KIAA1958: variants seen among roughly 807,000 people sequenced by gnomAD.
KIAA1958 encodes uncharacterized protein KIAA1958.
KIAA1958 carries 14 observed loss-of-function variants against 47.2 expected under a neutral mutation model. The ratio of observed to expected loss-of-function variants is 0.30; its 90% CI spans 0.20 to 0.46. The LOEUF (loss-of-function observed/expected upper bound fraction) is 0.46, where lower values mean the gene tolerates loss of function less well. KIAA1958 is among the 20% of genes least tolerant of loss of function. The pLI, the probability that KIAA1958 is intolerant of heterozygous loss-of-function variation, is 1.00. For synonymous variants in KIAA1958, 354 were observed against 353.3 expected (o/e 1.00, Z -0.02); for missense variants, 803 against 909.2 (o/e 0.88, Z 1.50).
chr9:112,618,760 T>C lies in KIAA1958; in HGVS notation c.1172-26890T>C, dbSNP rs1836448060. ...GCAGGAAAACCAACTTCAGTGTGTATCAGAGCTGCAGCACCTTGTCTGAGG... is the reference window on the plus strand; with the variant it reads ...GCAGGAAAACCAACTTCAGTGTGTACCAGAGCTGCAGCACCTTGTCTGAGG... On this transcript the variant is annotated intron_variant, in intron 2 of 3. Transcript: ENST00000337530. The surrounding 1 kb of genome is among the most constrained non-coding windows in gnomAD (Gnocchi z 7.1). 4 of 1,550,550 alleles carry C rather than the reference T, an allele frequency of 2.6e-6. No homozygotes were observed. Among genetic ancestry groups the C allele is most frequent in the Non-Finnish European group, 3.5e-6 (4 of 1,147,022 alleles).
intron 1 of KIAA1958, among the ~76,000 whole-genome samples, chr9:112,527,341 A>G (rs1834675751): frequency 6.6e-6 from 1 of 152,190 alleles, no homozygotes; most frequent in Non-Finnish European, 1.5e-5. Context: ...AAACAGGAGA[A>G]AGAGCATTTT....
intron 1 of KIAA1958, among the ~76,000 whole-genome samples, chr9:112,559,126 C>T (rs570574371): frequency 6.6e-6 from 1 of 152,286 alleles, no homozygotes; most frequent in Admixed American, 6.5e-5. Context: ...TGAACCAGCC[C>T]TGCAGGTTCT....
Position 112,586,130 on chromosome 9 carries a change from G to T in KIAA1958, c.1171+10879G>T, listed in dbSNP as rs373181214. The stretch of plus-strand genomic sequence containing the variant: ...AGATGCTGTTAATCAAATTGTGAAT[G>T]ATTTTGTAAGAATAAATTGGTTGCC... On this transcript the variant is annotated intron_variant, in intron 2 of 3. Coordinates refer to ENST00000337530, the MANE Select transcript of KIAA1958 (RefSeq NM_133465.4). Among the ~76,000 whole-genome samples, 15 of 152,298 alleles carry T rather than the reference G, an allele frequency of 9.8e-5. No homozygotes were observed. In the South Asian group the frequency reaches 3.1e-3, roughly 32 times the overall value.
At chr9:112,600,782 G>T (rs183571536) in intron 2 of KIAA1958, among the ~76,000 whole-genome samples, 1 of 152,322 alleles carries the variant, frequency 6.6e-6, no homozygotes, top group Non-Finnish European at 1.5e-5. Context: ...TAGGTAGGAA[G>T]ACTTTGATTT....
At chr9:112,502,551 C>T (rs969164122) in intron 1 of KIAA1958, among the ~76,000 whole-genome samples, 2 of 152,136 alleles carry the variant, frequency 1.3e-5, no homozygotes, top group African/African-American at 2.4e-5. Flanking sequence ...CCCTGCTTTC[C>T]ATGATTATCA....
chr9:112,660,289 C>T lies in KIAA1958; in HGVS notation c.*220C>T. 1 of 567,758 alleles carries T rather than the reference C, an allele frequency of 1.8e-6. No homozygotes were observed. Among genetic ancestry groups the T allele is most frequent in the South Asian group, 2.3e-5 (1 of 42,618 alleles). The allele number at this position is 567,758 out of a possible 1,614,324, so 35.2% of individuals were successfully genotyped here. ...GATGGTTTATCCAAATGTGCGTCAA[C>T]TTCGTTAGCTTTTAGAATCTAACAC... On this transcript the variant is annotated 3_prime_UTR_variant, in exon 4 of 4. Transcript: ENST00000337530.
intron 2 of KIAA1958, among the ~76,000 whole-genome samples, chr9:112,621,652 A>C (rs1288491888): frequency 2.0e-5 from 3 of 152,240 alleles, no homozygotes; most frequent in Admixed American, 2.0e-4. Context: ...TGATAACTCA[A>C]GCCAAATAGG....
chr9:112,509,310 C>T (rs946390842), intron 1 of KIAA1958, among the ~76,000 whole-genome samples: 1 of 151,466 alleles, frequency 6.6e-6, no homozygotes, highest in Non-Finnish European at 1.5e-5. Context: ...AAGCGATTCT[C>T]CTGCCCCAGC....
intron 2 of KIAA1958, among the ~76,000 whole-genome samples, chr9:112,631,552 AAAAAG>A (rs1363467684): frequency 2.0e-5 from 3 of 151,658 alleles, no homozygotes; most frequent in African/African-American, 4.8e-5. Flanking sequence ...AAAAAAAAAA[AAAAAG>A]GAAGTAAAAC....
In KIAA1958 at chr9:112,666,821, T is replaced by A. The variant is rs1837357431; in HGVS notation, c.*6752T>A. 6.6e-6 allele frequency: 1 copy of A among 152,226 alleles called. No homozygotes were observed. The highest frequency in any genetic ancestry group is 1.5e-5 in the Non-Finnish European group (1 of 68,044). The allele number at this position is 152,226 out of a possible 1,614,324, so 9.4% of individuals were successfully genotyped here. A position where few individuals can be genotyped will look rare whatever the true frequency, so the allele number is the denominator to read the frequency against. On this transcript the variant is annotated 3_prime_UTR_variant, in exon 4 of 4. Transcript: ENST00000337530. Reference sequence around the variant, plus strand: ...GCTCCTGAGCCAGAGAAATACTAGCTGATGCTTATTACACCGGGAAGAGAA... The same window carrying A: ...GCTCCTGAGCCAGAGAAATACTAGCAGATGCTTATTACACCGGGAAGAGAA...
intron 1 of KIAA1958, among the ~76,000 whole-genome samples, chr9:112,540,875 G>A (rs1588009048): frequency 6.6e-6 from 1 of 151,734 alleles, no homozygotes; most frequent in East Asian, 1.9e-4. Context: ...ACCACACCTG[G>A]ATAATTTTTT....
chr9:112,625,400 C>G lies in KIAA1958; in HGVS notation c.1172-20250C>G, dbSNP rs1011160208. On this transcript the variant is annotated intron_variant, in intron 2 of 3. Transcript: ENST00000337530. ...AACTCCTGGACTCAAGTGATCCCCC[C>G]ACCTCAGCCTCCCAAAGTGCTAGAA... 5.9e-5 allele frequency among the ~76,000 whole-genome samples: 9 copies of G among 152,164 alleles called. No individual in the cohort carries two copies. In the South Asian group the frequency reaches 1.5e-3, roughly 25 times the overall value.
chr9:112,654,327 T>C (rs1837111790), intron 3 of KIAA1958, among the ~76,000 whole-genome samples: 1 of 152,112 alleles, frequency 6.6e-6, no homozygotes, highest in African/African-American at 2.4e-5. Flanking sequence ...ACCATCACAT[T>C]AGGAGAATGG....
intron 1 of KIAA1958, among the ~76,000 whole-genome samples, chr9:112,547,246 T>C (rs1835054546): frequency 8.8e-6 from 1 of 113,014 alleles, no homozygotes; most frequent in African/African-American, 3.3e-5. Context: ...GGGAGTGGGG[T>C]GCGTGCCTGT....
chr9:112,589,148 C>T (rs936005891), intron 2 of KIAA1958, among the ~76,000 whole-genome samples: 2 of 152,196 alleles, frequency 1.3e-5, no homozygotes, highest in African/African-American at 4.8e-5. Context: ...CAAAAACTCC[C>T]ACATCTTTTT....
intron 1 of KIAA1958, among the ~76,000 whole-genome samples, chr9:112,517,473 C>T (rs537066092): frequency 2.0e-5 from 3 of 151,954 alleles, no homozygotes; most frequent in Admixed American, 6.6e-5. Flanking sequence ...TAATATAAAA[C>T]CTAATATTGT....
At chr9:112,600,519 T>C (rs1836111898) in intron 2 of KIAA1958, among the ~76,000 whole-genome samples, 1 of 152,230 alleles carries the variant, frequency 6.6e-6, no homozygotes, top group Non-Finnish European at 1.5e-5. Flanking sequence ...TACAGTCACA[T>C]AGTGTCTCTT....
At chr9:112,516,285 A>AT (rs941554869) in intron 1 of KIAA1958, among the ~76,000 whole-genome samples, 7 of 151,820 alleles carry the variant, frequency 4.6e-5, no homozygotes, top group African/African-American at 1.5e-4. Context: ...CTCTTAAAAA[A>AT]AAAAAAGTCA....
intron 2 of KIAA1958, among the ~76,000 whole-genome samples, chr9:112,635,666 A>G (rs1307896215): frequency 6.6e-6 from 1 of 152,196 alleles, no homozygotes. Flanking sequence ...ATTGATTGAC[A>G]TAATCAAGTT....
Sources: gnomAD v4.1 joint callset for allele counts (sites outside exome capture counted in the v4.1 genomes callset) on GRCh38, gnomAD v4.1.1 for gene constraint, Gnocchi (gnomAD v3.1) non-coding constraint, MANE v1.5 for transcripts, NCBI Gene and HGNC (gene_info 2026-07-23, HGNC 2026-07-21) for gene names.